The following GPR39 variants were observed in gnomAD, a reference collection of about 807,000 sequenced individuals.
The protein encoded by GPR39 is zinc sensing receptor.
A neutral mutation model predicts 18.4 loss-of-function variants in GPR39; 23 were observed. The observed-to-expected ratio is 1.25, with a 90% CI of 0.90 to 1.77. The LOEUF is 1.77. Among genes scored for constraint, GPR39 ranks in the 40% most tolerant of loss-of-function variants. GPR39 has a pLI of 0.00. For missense variants in GPR39, 647 were observed against 602.4 expected (o/e 1.07, Z -0.78); for synonymous variants, 280 against 257.9 (o/e 1.09, Z -0.82).
chr2:132,523,733 C>T (rs1312961838), intron 1 of GPR39: 1 of 152,346 alleles, frequency 6.6e-6, no homozygotes, highest in African/African-American at 2.4e-5. Context: ...ATGTGCATCC[C>T]TCCTGAAGCT....
At position 132,644,324 on chromosome 2, in the gene GPR39, C is replaced by T. The variant is rs144225141; in HGVS notation, c.857-777C>T. Among the ~76,000 whole-genome samples the T allele has an allele frequency of 4.6e-3, 704 of 152,334 alleles. 5 individuals are homozygous for T. The highest frequency in any genetic ancestry group is 0.016 in the African/African-American group (670 of 41,584). On this transcript the variant is annotated intron_variant, in intron 1 of 1. Coordinates refer to ENST00000329321, the MANE Select transcript of GPR39 (RefSeq NM_001508.3). ...TCTCTAGGGCCTGATTGCTTCTGGG[C>T]TGTTGACAGCACAGCTCAGTGCTGC...
At chr2:132,507,563 G>C (rs989949559) in intron 1 of GPR39, among the ~76,000 whole-genome samples, 1 of 152,160 alleles carries the variant, frequency 6.6e-6, no homozygotes, top group African/African-American at 2.4e-5. Flanking sequence ...TGAACCTCAG[G>C]AGTCTACATT....
At position 132,417,207 on chromosome 2, in the gene GPR39, C is replaced by T; in HGVS notation, c.165C>T (p.Thr55=). 1 of 1,614,114 alleles carries T rather than the reference C, an allele frequency of 6.2e-7. No individual in the cohort carries two copies. ...LLGNSATIRV[T]QVLQKKGYLQ... is the part of the protein sequence containing the mutation. ...GGAACAGCGCCACCATTCGGGTCAC[C>T]CAGGTGCTGCAGAAGAAAGGATACT... Residue 55 remains threonine, a synonymous_variant, in exon 1 of 2, where the codon ACC becomes ACT. Transcript: ENST00000329321.
intron 1 of GPR39, among the ~76,000 whole-genome samples, chr2:132,492,844 A>ATG (rs1681519541): frequency 1.4e-5 from 2 of 141,522 alleles, no homozygotes; most frequent in Non-Finnish European, 3.1e-5. Flanking sequence ...CACACCATAT[A>ATG]TACACCATAT....
chr2:132,486,397 C>T (rs912737864), intron 1 of GPR39, among the ~76,000 whole-genome samples: 2 of 152,218 alleles, frequency 1.3e-5, no homozygotes, highest in African/African-American at 4.8e-5. Context: ...TAAATCCTGG[C>T]ATTGACTTCT....
intron 1 of GPR39, among the ~76,000 whole-genome samples, chr2:132,436,891 A>T (rs1374453089): frequency 6.6e-6 from 1 of 152,196 alleles, no homozygotes; most frequent in Non-Finnish European, 1.5e-5. Flanking sequence ...CTAACGTTTT[A>T]AAAAATTTAC....
intron 1 of GPR39, among the ~76,000 whole-genome samples, chr2:132,578,620 C>G (rs1285357808): frequency 6.6e-6 from 1 of 151,968 alleles, no homozygotes; most frequent in Non-Finnish European, 1.5e-5. Flanking sequence ...TTTAGAAACA[C>G]TAGTATTTTC....
At chr2:132,455,764 G>T (rs1178224212) in intron 1 of GPR39, among the ~76,000 whole-genome samples, 1 of 152,180 alleles carries the variant, frequency 6.6e-6, no homozygotes, top group Non-Finnish European at 1.5e-5. Flanking sequence ...GGAGCAGGTT[G>T]TTCAGTTTCC....
At chr2:132,570,955 G>A (rs1680432452) in intron 1 of GPR39, among the ~76,000 whole-genome samples, 1 of 152,222 alleles carries the variant, frequency 6.6e-6, no homozygotes, top group South Asian at 2.1e-4. Context: ...AATAACCATA[G>A]TGAATATTTA....
At chr2:132,482,720 G>A (rs993462096) in intron 1 of GPR39, among the ~76,000 whole-genome samples, 1 of 152,178 alleles carries the variant, frequency 6.6e-6, no homozygotes, top group African/African-American at 2.4e-5. Flanking sequence ...CATCTTTTGG[G>A]TGCCAGTGAA....
At chr2:132,567,081 C>T (rs1680361628) in intron 1 of GPR39, among the ~76,000 whole-genome samples, 1 of 152,140 alleles carries the variant, frequency 6.6e-6, no homozygotes, top group South Asian at 2.1e-4. Flanking sequence ...GCCTGTAATC[C>T]CAGCACTTTG....
At position 132,535,695 on chromosome 2, in the gene GPR39, C is replaced by CTTTTTTTTTTT. The variant is rs753801511; in HGVS notation, c.857-109405_857-109395dup. On this transcript the variant is annotated intron_variant, in intron 1 of 1. Coordinates refer to ENST00000329321, the MANE Select transcript of GPR39 (RefSeq NM_001508.3). ...GGCTGTGAATCCATCTGGTCCTGGG[C>CTTTTTTTTTTT]TTTTTTTTTTTGGTTGGTAGGCTAT... Among the ~76,000 whole-genome samples the CTTTTTTTTTTT allele has an allele frequency of 2.7e-3, 258 of 96,488 alleles. 18 individuals carry two copies. The highest frequency in any genetic ancestry group is 6.3e-3 in the African/African-American group (159 of 25,324). 63.3% of individuals were successfully genotyped at this position (96,488 alleles called of 152,430 possible). A position where few individuals can be genotyped will look rare whatever the true frequency, so the allele number is the denominator to read the frequency against.
intron 1 of GPR39, among the ~76,000 whole-genome samples, chr2:132,543,798 A>G (rs1391885248): frequency 6.6e-6 from 1 of 152,200 alleles, no homozygotes; most frequent in Non-Finnish European, 1.5e-5. Flanking sequence ...TAAGATTTGC[A>G]GCAGGAGAAA....
At chr2:132,499,471 TG>T (rs1558817562) in intron 1 of GPR39, among the ~76,000 whole-genome samples, 1 of 152,208 alleles carries the variant, frequency 6.6e-6, no homozygotes. Context: ...AGTGTGAAGT[TG>T]GGGGGTGTGA....
intron 1 of GPR39, among the ~76,000 whole-genome samples, chr2:132,642,055 T>G (rs1681865398): frequency 6.6e-6 from 1 of 152,196 alleles, no homozygotes; most frequent in Non-Finnish European, 1.5e-5. Flanking sequence ...CTCTCCAGGT[T>G]GTTGTCAGGA....
chr2:132,538,130 G>A (rs1484090159), intron 1 of GPR39, among the ~76,000 whole-genome samples: 8 of 152,008 alleles, frequency 5.3e-5, no homozygotes, highest in African/African-American at 1.9e-4. Flanking sequence ...GAGGCACTCT[G>A]GCATTTGGAA....
chr2:132,434,130 A>G (rs1224151144), intron 1 of GPR39, among the ~76,000 whole-genome samples: 1 of 152,096 alleles, frequency 6.6e-6, no homozygotes, highest in Non-Finnish European at 1.5e-5. Context: ...TATTTAATGC[A>G]GATGAGAGTG....
chr2:132,551,069 A>G (rs1680034518), intron 1 of GPR39, among the ~76,000 whole-genome samples: 1 of 152,212 alleles, frequency 6.6e-6, no homozygotes, highest in Non-Finnish European at 1.5e-5. Flanking sequence ...GCTGTTTGAA[A>G]GAATATAAGT....
At chr2:132,541,079 C>G (rs3109130) in intron 1 of GPR39, among the ~76,000 whole-genome samples, 1 of 151,390 alleles carries the variant, frequency 6.6e-6, no homozygotes, top group African/African-American at 2.4e-5. Context: ...GCTTTTTCTT[C>G]TTATTATTGT....
Sources: gnomAD v4.1 joint callset for allele counts (sites outside exome capture counted in the v4.1 genomes callset) on GRCh38, gnomAD v4.1.1 for gene constraint, MANE v1.5 for transcripts, NCBI Gene and HGNC (gene_info 2026-07-23, HGNC 2026-07-21) for gene names.